The following OSR1 variants were observed in gnomAD, a reference collection of about 807,000 sequenced individuals.
The protein encoded by OSR1 is protein odd-skipped-related 1.
Under a neutral mutation model 15.7 loss-of-function variants are expected in OSR1, and 3 were observed. The observed-to-expected ratio is 0.19, with a 90% CI of 0.09 to 0.50. The LOEUF (loss-of-function observed/expected upper bound fraction) is 0.50. OSR1 is among the 20% of genes least tolerant of loss of function. The pLI is 0.97. For missense variants in OSR1, 271 were observed against 351.1 expected (o/e 0.77, Z 1.82); for synonymous variants, 166 against 152.7 (o/e 1.09, Z -0.64).
At chr2:19,353,012 T>C in intron 2 of OSR1, 129 bp downstream of exon 2, 2 of 1,201,766 alleles carry the variant, frequency 1.7e-6, no homozygotes, top group Non-Finnish European at 2.3e-6. Context: ...CTTTCCTTCT[T>C]GATTTTAAAG....
At chr2:19,348,353 C>G (rs1378905819), downstream of OSR1, 1 of 154,304 alleles carries the variant, frequency 6.5e-6, no homozygotes, top group Non-Finnish European at 1.5e-5. Context: ...GATATGTTAG[C>G]CCGAGGCGGG....
intron 1 of OSR1, chr2:19,354,042 C>G: frequency 1.8e-6 from 1 of 541,904 alleles, no homozygotes; most frequent in South Asian, 2.6e-5. Flanking sequence ...TTTCAGAACC[C>G]TCCTTGGTCT....
Position 19,358,559 on chromosome 2 carries a change from C to G in OSR1, c.-251G>C, listed in dbSNP as rs945088591. On this transcript the variant is annotated 5_prime_UTR_variant, in exon 1 of 3. Transcript: ENST00000272223. ...GACGGTGAGCCTCGCTCGCGGCTCC[C>G]TCGCTGGGTCTGAACCAGGAGCAGC... The G allele has an allele frequency of 2.6e-5, 4 of 152,262 alleles. No homozygotes were observed. The highest frequency in any genetic ancestry group is 6.5e-5 in the Admixed American group (1 of 15,282). The allele number at this position is 152,262 out of a possible 1,614,324, so 9.4% of individuals were successfully genotyped here. A position where few individuals can be genotyped will look rare whatever the true frequency, so the allele number is the denominator to read the frequency against.
At chr2:19,346,809 T>G (rs989254277), downstream of OSR1, 1 of 152,208 alleles carries the variant, frequency 6.6e-6, no homozygotes, top group African/African-American at 2.4e-5. Flanking sequence ...CAAGGAAGCT[T>G]TCACTCTGCA....
chr2:19,350,038 G>C (rs979465252), downstream of OSR1, among the ~76,000 whole-genome samples: 2 of 152,200 alleles, frequency 1.3e-5, no homozygotes, highest in Non-Finnish European at 2.9e-5. Context: ...CTCAGGAATG[G>C]GGGCATAATC....
downstream of OSR1, among the ~76,000 whole-genome samples, chr2:19,350,041 G>GC (rs1664806303): frequency 6.6e-6 from 1 of 152,214 alleles, no homozygotes; most frequent in South Asian, 2.1e-4. Flanking sequence ...AGGAATGGGG[G>GC]CATAATCCTG....
downstream of OSR1, among the ~76,000 whole-genome samples, chr2:19,349,894 A>C (rs1384201654): frequency 2.0e-5 from 3 of 152,196 alleles, no homozygotes; most frequent in Non-Finnish European, 4.4e-5. Context: ...AAGATTCTGC[A>C]GTTGACCCTA....
rs577684510 is a variant in OSR1, at chr2:19,357,431, A to G, written c.-33+910T>C. The stretch of plus-strand genomic sequence containing the variant: ...CCGCTACTGCCTGAGCTGCTGAAAA[A>G]GGACTAAACGTGGTTTTTCATTCTT... On this transcript the variant is annotated intron_variant, in intron 1 of 2. Coordinates refer to ENST00000272223, the MANE Select transcript of OSR1 (RefSeq NM_145260.3). This position sits in a 1 kb window ranked among gnomAD's most constrained non-coding sequence, Gnocchi z 5.0. 7.9e-5 allele frequency among the ~76,000 whole-genome samples: 12 copies of G among 152,338 alleles called. No individual in the cohort carries two copies. Among genetic ancestry groups the G allele is most frequent in the African/African-American group, 2.6e-4 (11 of 41,586 alleles).
chr2:19,353,485 G>T lies in OSR1; in HGVS notation c.321C>A (p.Ser107Arg), dbSNP rs762792163. Residue 107 changes from serine (S) to arginine (R), a missense_variant, in exon 2 of 3, where the codon AGC becomes AGA. Physicochemically the swap from Ser to Arg is moderately radical, Grantham distance 110 (BLOSUM62 -1). Coordinates refer to ENST00000272223, the MANE Select transcript of OSR1 (RefSeq NM_145260.3). The part of the protein sequence containing the change: ...QPKPEITAGG[S>R]VPALKTKPRF... ...GCGGCTTGGTCTTGAGCGCTGGAAC[G>T]CTGCCTCCAGCGGTGATCTCGGGCT... The T allele has an allele frequency of 8.1e-6, 13 of 1,614,022 alleles. No individual in the cohort carries two copies. The East Asian group carries it at 2.0e-4, about 25-fold the overall frequency.
downstream of OSR1, among the ~76,000 whole-genome samples, chr2:19,346,935 T>C (rs1472636041): frequency 1.3e-5 from 2 of 152,216 alleles, no homozygotes; most frequent in African/African-American, 4.8e-5. Flanking sequence ...CTCCCTGGGT[T>C]CCACAAACGT....
At chr2:19,344,878 G>C in the OSR1 span, among the ~76,000 whole-genome samples, 1 of 152,182 alleles carries the variant, frequency 6.6e-6, no homozygotes, top group Admixed American at 6.5e-5. Flanking sequence ...AAGAAATTAA[G>C]CGAAAGCTTA....
rs1665004773 is a variant in OSR1 at position 19,358,545 on chromosome 2, T to C, written c.-237A>G. On this transcript the variant is annotated 5_prime_UTR_variant, in exon 1 of 3. Coordinates refer to ENST00000272223, the MANE Select transcript of OSR1 (RefSeq NM_145260.3). ...TCCTGCACGCCGGGGACGGTGAGCC[T>C]CGCTCGCGGCTCCCTCGCTGGGTCT... The C allele has an allele frequency of 6.6e-6, 1 of 152,146 alleles. No homozygotes were observed. Among genetic ancestry groups the C allele is most frequent in the Non-Finnish European group, 1.5e-5 (1 of 68,038 alleles). The allele number at this position is 152,146 out of a possible 1,614,324, so 9.4% of individuals were successfully genotyped here. A position where few individuals can be genotyped will look rare whatever the true frequency, so the allele number is the denominator to read the frequency against.
At position 19,353,706 on chromosome 2, in the gene OSR1, G is replaced by C. The variant is rs763136719; in HGVS notation, c.100C>G (p.Pro34Ala). 2.5e-6 allele frequency: 4 copies of C among 1,614,164 alleles called. No homozygotes were observed. The highest frequency in any genetic ancestry group is 3.4e-6 in the Non-Finnish European group (4 of 1,180,004). ...LQAVNGLPTV[P>A]SDHLPNLYGF... ...TACAGGTTGGGCAGATGGTCCGAAG[G>C]CACTGTGGGCAGGCCGTTCACTGCC... Residue 34 changes from proline (P) to alanine (A), a missense_variant, in exon 2 of 3, where the codon CCT (proline) becomes GCT (alanine). Transcript: ENST00000272223.
At position 19,353,424 on chromosome 2, in the gene OSR1, G is replaced by T. The variant is rs1187082054; in HGVS notation, c.382C>A (p.Gln128Lys). ...CGACCGAGCTTGGCCGGATCTTCTT[G>T]CGTTGCTGCCAAGGCCAGGTTGGCA... ...DFANLALAAT[Q>K]EDPAKLGRGE... is the part of the protein sequence containing the mutation. Residue 128 changes from glutamine (Q) to lysine (K), a missense_variant, in exon 2 of 3, where the codon CAA becomes AAA. This residue lies in a region of OSR1 where 210 missense variants were observed against 218.4 expected (regional missense o/e 0.96). Transcript: ENST00000272223. 1 of 1,614,084 alleles carries T rather than the reference G, an allele frequency of 6.2e-7. No individual in the cohort carries two copies. Among genetic ancestry groups the T allele is most frequent in the Admixed American group, 1.7e-5 (1 of 60,032 alleles).
At chr2:19,345,214 G>T in the OSR1 span, among the ~76,000 whole-genome samples, 4 of 152,190 alleles carry the variant, frequency 2.6e-5, no homozygotes, top group African/African-American at 9.7e-5. Context: ...TCCTTTGTCA[G>T]ATGAGTAGGT....
At chr2:19,356,349 T>C (rs1328416710) in intron 1 of OSR1, 6 of 152,274 alleles carry the variant, frequency 3.9e-5, no homozygotes, top group Non-Finnish European at 5.9e-5. Context: ...TACATTTATT[T>C]TCTTCCGCGG....
chr2:19,350,205 A>G (rs1462832098), downstream of OSR1, among the ~76,000 whole-genome samples: 1 of 152,110 alleles, frequency 6.6e-6, no homozygotes, highest in Non-Finnish European at 1.5e-5. Context: ...AAACACATAG[A>G]TGCTTGGTGG....
downstream of OSR1, chr2:19,346,545 A>T (rs1664734396): frequency 6.6e-6 from 1 of 152,350 alleles, no homozygotes; most frequent in African/African-American, 2.4e-5. Context: ...TGGGAGGATC[A>T]CTTGAGACCA....
At chr2:19,345,788 A>G in the OSR1 span, among the ~76,000 whole-genome samples, 3 of 152,226 alleles carry the variant, frequency 2.0e-5, no homozygotes, top group Non-Finnish European at 4.4e-5. Context: ...GGGAAATGCT[A>G]TGTGTACTGT....
Sources: gnomAD v4.1 joint callset for allele counts (sites outside exome capture counted in the v4.1 genomes callset) on GRCh38, gnomAD v4.1.1 for gene constraint, gnomAD v4.1.1 regional missense constraint, Gnocchi (gnomAD v3.1) non-coding constraint, MANE v1.5 for transcripts, NCBI Gene and HGNC (gene_info 2026-07-23, HGNC 2026-07-21) for gene names.